The following KDM4B variants were observed in gnomAD, a reference collection of about 807,000 sequenced individuals.
KDM4B encodes the protein lysine-specific demethylase 4B.
Under a neutral mutation model 125.2 loss-of-function variants are expected in KDM4B, and 32 were observed. The ratio of observed to expected loss-of-function variants is 0.26; its 90% CI spans 0.19 to 0.34. The LOEUF is 0.34. Among genes scored for constraint, KDM4B ranks in the 10% least tolerant of loss-of-function variants. The pLI, the probability that KDM4B is intolerant of heterozygous loss-of-function variation, is 1.00. For missense variants in KDM4B, 1,190 were observed against 1,577.7 expected (o/e 0.75, Z 4.16); for synonymous variants, 721 against 677.9 (o/e 1.06, Z -0.99).
chr19:5,080,068 T>G (rs905244202), intron 8 of KDM4B, among the ~76,000 whole-genome samples: 2 of 152,254 alleles, frequency 1.3e-5, no homozygotes, highest in Admixed American at 1.3e-4. Context: ...ACCCCTATTT[T>G]CTGCCGCGTG....
At chr19:4,976,478 G>GC (rs1342571076) in intron 1 of KDM4B, among the ~76,000 whole-genome samples, 12 of 152,192 alleles carry the variant, frequency 7.9e-5, no homozygotes, top group African/African-American at 2.9e-4. Context: ...AGCGTCAGAA[G>GC]CACGTCGAGC....
intron 1 of KDM4B, among the ~76,000 whole-genome samples, chr19:4,994,498 G>T (rs1211900799): frequency 1.4e-5 from 2 of 138,756 alleles, no homozygotes; most frequent in Non-Finnish European, 3.0e-5. Flanking sequence ...GGGAGGTGGA[G>T]ATTGCAGTGA....
intron 1 of KDM4B, among the ~76,000 whole-genome samples, chr19:4,991,010 A>G (rs528277709): frequency 1.3e-5 from 2 of 152,140 alleles, no homozygotes; most frequent in Non-Finnish European, 2.9e-5. Flanking sequence ...AGTCCCAGCT[A>G]CTAGGGAGGG....
intron 2 of KDM4B, among the ~76,000 whole-genome samples, chr19:5,031,192 G>A (rs1343322366): frequency 6.6e-6 from 1 of 152,216 alleles, no homozygotes; most frequent in African/African-American, 2.4e-5. Context: ...GGCCTGTGGG[G>A]TTGGCGGGGT....
rs58219404 is a variant in KDM4B, at chr19:5,035,880, T to TGTGTGTGTGTGTGCGCGCGC, written c.141+2850_141+2851insTGTGTGTGTGTGCGCGCGCG. 7.3e-6 allele frequency among the ~76,000 whole-genome samples: 1 copy of TGTGTGTGTGTGTGCGCGCGC among 136,400 alleles called. No homozygotes were observed. Among genetic ancestry groups the TGTGTGTGTGTGTGCGCGCGC allele is most frequent in the African/African-American group, 2.6e-5 (1 of 37,794 alleles). The allele number at this position is 136,400 out of a possible 152,430, so 89.5% of individuals were successfully genotyped here. A position where few individuals can be genotyped will look rare whatever the true frequency, so the allele number is the denominator to read the frequency against. On this transcript the variant is annotated intron_variant, in intron 3 of 22. Transcript: ENST00000159111. This position sits in a 1 kb window ranked among gnomAD's most constrained non-coding sequence, Gnocchi z 5.3. ...ACGTGTCTCTGTGTGTGTGTGTGTGTGCGCGCGCGCGCGCGCCTGCGCGCA... is the reference window on the plus strand; with the variant it reads ...ACGTGTCTCTGTGTGTGTGTGTGTGTGTGTGTGTGTGTGCGCGCGCGCGCGCGCGCGCGCGCCTGCGCGCA...
chr19:5,114,671 G>A lies in KDM4B; in HGVS notation c.1115+3853G>A, dbSNP rs2039220764. 6.6e-6 allele frequency among the ~76,000 whole-genome samples: 1 copy of A among 151,838 alleles called. No homozygotes were observed. The highest frequency in any genetic ancestry group is 1.5e-5 in the Non-Finnish European group (1 of 67,920). On this transcript the variant is annotated intron_variant, in intron 10 of 22. Coordinates refer to ENST00000159111, the MANE Select transcript of KDM4B (RefSeq NM_015015.3). This position sits in a 1 kb window ranked among gnomAD's most constrained non-coding sequence, Gnocchi z 5.8. ...GGTGGGGAGCACTGGGCCACTTTGGGTCGGGGGTGGGCGGCTCTGAGGGCT... is the reference window on the plus strand; with the variant it reads ...GGTGGGGAGCACTGGGCCACTTTGGATCGGGGGTGGGCGGCTCTGAGGGCT...
At chr19:5,005,234 G>GGA in intron 1 of KDM4B, among the ~76,000 whole-genome samples, 1 of 151,670 alleles carries the variant, frequency 6.6e-6, no homozygotes, top group Non-Finnish European at 1.5e-5. Context: ...GTGGCCAGGT[G>GGA]GCACAAGTAT....
intron 11 of KDM4B, among the ~76,000 whole-genome samples, chr19:5,130,187 G>C (rs1294388798): frequency 6.6e-6 from 1 of 152,002 alleles, no homozygotes; most frequent in Non-Finnish European, 1.5e-5. Flanking sequence ...GGATCATCTA[G>C]GATCACCTCC....
At chr19:4,973,770 C>T (rs1210358308) in intron 1 of KDM4B, among the ~76,000 whole-genome samples, 1 of 151,468 alleles carries the variant, frequency 6.6e-6, no homozygotes, top group Non-Finnish European at 1.5e-5. Flanking sequence ...GAAGTCTCTA[C>T]CTCCTGCTTA....
At position 5,072,062 on chromosome 19, in the gene KDM4B, C is replaced by T. The variant is rs111747987; in HGVS notation, c.676+1003C>T. Among the ~76,000 whole-genome samples, 226 of 152,304 alleles carry T rather than the reference C, an allele frequency of 1.5e-3. 2 individuals are homozygous for T. The highest frequency in any genetic ancestry group is 5.2e-3 in the African/African-American group (216 of 41,564). On this transcript the variant is annotated intron_variant, in intron 7 of 22. Transcript: ENST00000159111. ...GGACGGCGTCAGGCAGCTCAGCAAG[C>T]GACAGCCACAGCTTTTCCAGGAGCT...
intron 8 of KDM4B, chr19:5,077,796 C>G: frequency 3.3e-6 from 1 of 299,586 alleles, no homozygotes; most frequent in South Asian, 4.9e-5. Flanking sequence ...GCTGACCTGG[C>G]AGGAAGCTGC....
chr19:5,120,957 T>C (rs2620852), intron 11 of KDM4B, among the ~76,000 whole-genome samples: 61,707 of 151,984 alleles, frequency 0.41, 12,745 homozygotes, highest in East Asian at 0.64. Flanking sequence ...GGTCTGCCTC[T>C]GAGGTGTCAG....
rs1256675890 is a variant in KDM4B, at chr19:4,997,794, G to C, written c.-108-18463G>C. On this transcript the variant is annotated intron_variant, in intron 1 of 22. Coordinates refer to ENST00000159111, the MANE Select transcript of KDM4B (RefSeq NM_015015.3). The surrounding 1 kb of genome is among the most constrained non-coding windows in gnomAD (Gnocchi z 4.2). The stretch of plus-strand genomic sequence containing the variant: ...TCCTTACTGTCTGGTCTGTTCCAAA[G>C]GCCGCAGGCCCCAGAAAGACGGTGA... 1.3e-5 allele frequency among the ~76,000 whole-genome samples: 2 copies of C among 152,232 alleles called. No individual in the cohort carries two copies. Among genetic ancestry groups the C allele is most frequent in the Admixed American group, 6.5e-5 (1 of 15,284 alleles).
chr19:5,067,797 G>A (rs1020033620), intron 6 of KDM4B, among the ~76,000 whole-genome samples: 5 of 152,154 alleles, frequency 3.3e-5, no homozygotes, highest in Non-Finnish European at 5.9e-5. Flanking sequence ...GCAGCTGTCT[G>A]TCCAGAAAGC....
Position 5,114,850 on chromosome 19 carries a change from A to C in KDM4B, c.1115+4032A>C, listed in dbSNP as rs1416368691. On this transcript the variant is annotated intron_variant, in intron 10 of 22. Coordinates refer to ENST00000159111, the MANE Select transcript of KDM4B (RefSeq NM_015015.3). This position sits in a 1 kb window ranked among gnomAD's most constrained non-coding sequence, Gnocchi z 5.8. ...CCGTCCACCCCGCCTCCTGCCATAC[A>C]AGCTGCAAAGGACACCTGCTTCCAC... Among the ~76,000 whole-genome samples the C allele has an allele frequency of 6.6e-6, 1 of 152,212 alleles. No individual in the cohort carries two copies. Among genetic ancestry groups the C allele is most frequent in the Non-Finnish European group, 1.5e-5 (1 of 68,018 alleles).
intron 1 of KDM4B, among the ~76,000 whole-genome samples, chr19:4,970,824 A>T (rs2034231874): frequency 6.7e-6 from 1 of 150,116 alleles, no homozygotes; most frequent in Non-Finnish European, 1.5e-5. Context: ...TGGTAGAGTC[A>T]ACTTCTGTCT....
intron 1 of KDM4B, among the ~76,000 whole-genome samples, chr19:4,975,395 CT>C (rs2034410376): frequency 6.6e-6 from 1 of 151,924 alleles, no homozygotes; most frequent in Non-Finnish European, 1.5e-5. Flanking sequence ...CAAAACCATT[CT>C]TAGACTGCAG....
intron 6 of KDM4B, among the ~76,000 whole-genome samples, chr19:5,051,470 C>G (rs903240921): frequency 1.3e-5 from 2 of 152,248 alleles, no homozygotes; most frequent in Non-Finnish European, 2.9e-5. Context: ...AGCTTTGGCT[C>G]TCACTGCAGC....
At position 5,110,670 on chromosome 19, in the gene KDM4B, C is replaced by T. The variant is rs1450138193; in HGVS notation, c.967C>T (p.Arg323Cys). 2.5e-6 allele frequency: 4 copies of T among 1,612,934 alleles called. No individual in the cohort carries two copies. The highest frequency in any genetic ancestry group is 2.5e-6 in the Non-Finnish European group (3 of 1,179,916). ...MVKISMDVFV[R>C]ILQPERYELW... ...CAAGATCTCCATGGACGTGTTCGTG[C>T]GCATCCTGCAGCCCGAGCGCTACGA... is the stretch of plus-strand genomic sequence containing the variant. Residue 323 changes from arginine (R) to cysteine (C), a missense_variant, in exon 10 of 23, where the codon CGC (arginine) becomes TGC (cysteine). Arg to Cys is a radical substitution (Grantham distance 180). Transcript: ENST00000159111.
Sources: gnomAD v4.1 joint callset for allele counts (sites outside exome capture counted in the v4.1 genomes callset) on GRCh38, gnomAD v4.1.1 for gene constraint, Gnocchi (gnomAD v3.1) non-coding constraint, MANE v1.5 for transcripts, NCBI Gene and HGNC (gene_info 2026-07-23, HGNC 2026-07-21) for gene names.